The following MSR1 variants were observed in gnomAD, a reference collection of about 807,000 sequenced individuals.
MSR1 encodes the protein macrophage scavenger receptor 1, also known as macrophage scavenger receptor types I and II.
Under a neutral mutation model 47.2 loss-of-function variants are expected in MSR1, and 53 were observed. That is an observed-to-expected ratio of 1.12 (90% CI 0.90 to 1.41). The LOEUF is 1.41. MSR1 is among the 40% of genes most tolerant of loss of function. The pLI is 0.00. For synonymous variants in MSR1, 239 were observed against 185.6 expected, an observed-to-expected ratio of 1.29 and a Z score of -2.34; for missense variants, 786 against 546.9, an observed-to-expected ratio of 1.44 and a Z score of -4.36.
intron 9 of MSR1, among the ~76,000 whole-genome samples, chr8:16,117,940 C>G (rs1292983311): frequency 1.3e-5 from 2 of 152,034 alleles, no homozygotes; most frequent in South Asian, 4.2e-4. Flanking sequence ...TGAACCATCC[C>G]CAAACCTTCT....
At chr8:16,178,145 G>A (rs1443543781) in intron 1 of MSR1, among the ~76,000 whole-genome samples, 153 bp from the exon 2 acceptor site, 1 of 149,844 alleles carries the variant, frequency 6.7e-6, no homozygotes, top group African/African-American at 2.5e-5. Flanking sequence ...GGGTACATGT[G>A]CACAACGTGC....
At chr8:16,131,661 T>C (rs1800263008) in intron 8 of MSR1, among the ~76,000 whole-genome samples, 1 of 151,986 alleles carries the variant, frequency 6.6e-6, no homozygotes, top group Non-Finnish European at 1.5e-5. Context: ...TTTTTGTATA[T>C]GGTGTAAGGA....
At chr8:16,122,483 G>T (rs1800027424) in intron 8 of MSR1, among the ~76,000 whole-genome samples, 1 of 152,118 alleles carries the variant, frequency 6.6e-6, no homozygotes, top group South Asian at 2.1e-4. Flanking sequence ...TCGTTGTCCT[G>T]TTGTCCAAAC....
chr8:16,157,373 C>G (rs556621388), intron 5 of MSR1, among the ~76,000 whole-genome samples: 34 of 151,772 alleles, frequency 2.2e-4, no homozygotes, highest in African/African-American at 7.5e-4. Flanking sequence ...TATTATTTTA[C>G]AAAATTTGGA....
intron 8 of MSR1, among the ~76,000 whole-genome samples, chr8:16,131,448 T>TTTTTTTGTTTTTTG (rs1431687582): frequency 1.1e-3 from 168 of 147,156 alleles, no homozygotes; most frequent in African/African-American, 4.1e-3. Context: ...ATAGTTTTTT[T>TTTTTTTGTTTTTTG]TTTTTTTTTT....
At chr8:16,191,621 G>T (rs960819935) in intron 1 of MSR1, among the ~76,000 whole-genome samples, 1 of 151,956 alleles carries the variant, frequency 6.6e-6, no homozygotes, top group Admixed American at 6.6e-5. Flanking sequence ...ACTGAAATGT[G>T]TAAGTAACTA....
intron 4 of MSR1, among the ~76,000 whole-genome samples, chr8:16,168,239 A>G (rs1801373000): frequency 1.3e-5 from 2 of 152,222 alleles, no homozygotes; most frequent in African/African-American, 2.4e-5. Flanking sequence ...TCTATATTCA[A>G]TGGGAAAAAT....
chr8:16,109,697 T>C lies in MSR1; in HGVS notation c.*388A>G. On this transcript the variant is annotated 3_prime_UTR_variant, in exon 10 of 10. Coordinates refer to ENST00000262101, the MANE Select transcript of MSR1 (RefSeq NM_138715.3). ...TCCGTTATTCAGAAAGTAATTAAAATCAACTAAATAGATTACAAAGACAAG... is the reference window on the plus strand; with the variant it reads ...TCCGTTATTCAGAAAGTAATTAAAACCAACTAAATAGATTACAAAGACAAG... 1 of 198,540 alleles carries C rather than the reference T, an allele frequency of 5.0e-6. No individual in the cohort carries two copies. The highest frequency in any genetic ancestry group is 9.1e-5 in the South Asian group (1 of 11,024). 12.3% of individuals were successfully genotyped at this position (198,540 alleles called of 1,614,324 possible).
chr8:16,113,167 C>A (rs1479130128), intron 9 of MSR1, among the ~76,000 whole-genome samples: 1 of 151,838 alleles, frequency 6.6e-6, no homozygotes, highest in Non-Finnish European at 1.5e-5. Flanking sequence ...CCAGAATGGT[C>A]TCGATCTCTT....
intron 5 of MSR1, among the ~76,000 whole-genome samples, chr8:16,162,852 G>A (rs1020379369): frequency 1.3e-4 from 20 of 151,716 alleles, no homozygotes; most frequent in African/African-American, 4.8e-4. Context: ...TGCTTTCCCT[G>A]GTCCTACCAG....
At chr8:16,141,299 A>T (rs575303489) in intron 8 of MSR1, among the ~76,000 whole-genome samples, 2 of 152,294 alleles carry the variant, frequency 1.3e-5, no homozygotes, top group Admixed American at 6.5e-5. Context: ...CAAATTCCCT[A>T]TTAAAAAGTA....
intron 1 of MSR1, among the ~76,000 whole-genome samples, chr8:16,180,129 C>CCTCTCTCCT (rs1322484424): frequency 1.3e-5 from 2 of 151,222 alleles, no homozygotes; most frequent in Admixed American, 6.6e-5. Flanking sequence ...TCCCCTTCTC[C>CCTCTCTCCT]CTCTCTCCTC....
chr8:16,173,069 A>C (rs1801533683), intron 3 of MSR1, among the ~76,000 whole-genome samples: 2 of 152,222 alleles, frequency 1.3e-5, no homozygotes, highest in Admixed American at 1.3e-4. Flanking sequence ...CCTTTTCCAA[A>C]TTCTGGTGAA....
rs1799682099 is a variant in MSR1, at chr8:16,108,360, T to C, written c.*1725A>G. On this transcript the variant is annotated 3_prime_UTR_variant, in exon 10 of 10. Coordinates refer to ENST00000262101, the MANE Select transcript of MSR1 (RefSeq NM_138715.3). ...AATAGTTAATACTATTGACAACCCA[T>C]AGGCACTGATTTCAGACATCCCATG... The C allele has an allele frequency of 6.6e-6, 1 of 151,530 alleles. No homozygotes were observed. The highest frequency in any genetic ancestry group is 2.1e-4 in the South Asian group (1 of 4,786). 9.4% of individuals were successfully genotyped at this position (151,530 alleles called of 1,614,324 possible). A position where few individuals can be genotyped will look rare whatever the true frequency, so the allele number is the denominator to read the frequency against.
At chr8:16,159,775 TA>T (rs1360245134) in intron 5 of MSR1, among the ~76,000 whole-genome samples, 2 of 151,920 alleles carry the variant, frequency 1.3e-5, no homozygotes, top group African/African-American at 4.8e-5. Context: ...AGAGAATACT[TA>T]ATGTTCCATA....
At chr8:16,174,480 C>T (rs906295432) in intron 3 of MSR1, among the ~76,000 whole-genome samples, 1 of 152,176 alleles carries the variant, frequency 6.6e-6, no homozygotes, top group African/African-American at 2.4e-5. Flanking sequence ...GCTATCTACC[C>T]TTGTAGAAAC....
intron 5 of MSR1, among the ~76,000 whole-genome samples, chr8:16,156,368 T>C (rs34075812): frequency 0.011 from 1,723 of 151,944 alleles, 30 homozygotes; most frequent in African/African-American, 0.04. Context: ...CATAAATAAA[T>C]AAAGATTATC....
chr8:16,137,981 G>T (rs1300179454), intron 8 of MSR1, among the ~76,000 whole-genome samples: 1 of 149,470 alleles, frequency 6.7e-6, no homozygotes, highest in Admixed American at 6.7e-5. Flanking sequence ...AACAGAGCAA[G>T]ACTCTGTCTC....
intron 5 of MSR1, among the ~76,000 whole-genome samples, chr8:16,163,138 G>T (rs1195219475): frequency 6.6e-6 from 1 of 151,882 alleles, no homozygotes; most frequent in Non-Finnish European, 1.5e-5. Flanking sequence ...TCTGAAACCT[G>T]TTTGGTAATT....
Sources: allele counts gnomAD v4.1 joint callset (sites outside exome capture counted in the v4.1 genomes callset), GRCh38; gene constraint gnomAD v4.1.1; transcripts MANE v1.5; gene names NCBI Gene and HGNC (gene_info 2026-07-23, HGNC 2026-07-21).